The following SIL1 variants were observed in gnomAD, a reference collection of about 807,000 sequenced individuals.
The protein encoded by SIL1 is SIL1 nucleotide exchange factor, also known as nucleotide exchange factor SIL1.
Under a neutral mutation model 49.1 loss-of-function variants are expected in SIL1, and 40 were observed. That is an observed-to-expected ratio of 0.81 (90% CI 0.63 to 1.06). The LOEUF is 1.06. Among genes scored for constraint, SIL1 ranks in the 50% least tolerant of loss-of-function variants. SIL1 has a pLI of 0.00. For missense variants in SIL1, 500 were observed against 572.6 expected, an observed-to-expected ratio of 0.87 and a Z score of 1.29; for synonymous variants, 253 against 250.8, an observed-to-expected ratio of 1.01 and a Z score of -0.08.
intron 7 of SIL1, among the ~76,000 whole-genome samples, chr5:138,954,180 G>A (rs1281155874): frequency 6.6e-6 from 1 of 152,228 alleles, no homozygotes; most frequent in Non-Finnish European, 1.5e-5. Context: ...ACCCCATTTA[G>A]AGTAGGAGAG....
chr5:139,012,062 G>T (rs1460506771), intron 7 of SIL1, among the ~76,000 whole-genome samples: 1 of 151,576 alleles, frequency 6.6e-6, no homozygotes, highest in Non-Finnish European at 1.5e-5. Flanking sequence ...GGTTTTTGTT[G>T]TTGTTTTCTG....
At chr5:139,051,449 C>T (rs1337755794) in intron 3 of SIL1, among the ~76,000 whole-genome samples, 2 of 152,224 alleles carry the variant, frequency 1.3e-5, no homozygotes, top group Non-Finnish European at 2.9e-5. Context: ...TGACACCCTT[C>T]CTGCCCCTCC....
chr5:139,064,648 T>C (rs10063549), intron 3 of SIL1, among the ~76,000 whole-genome samples: 24,390 of 152,204 alleles, frequency 0.16, 5,327 homozygotes, highest in African/African-American at 0.5. Context: ...CTAAGTAGTG[T>C]TGTGCTTTGC....
chr5:139,042,671 T>C lies in SIL1; in HGVS notation c.402A>G (p.Ala134=). 1 of 1,614,152 alleles carries C rather than the reference T, an allele frequency of 6.2e-7. No individual in the cohort carries two copies. Among genetic ancestry groups the C allele is most frequent in the Non-Finnish European group, 8.5e-7 (1 of 1,180,034 alleles). ...CTGCCCCCTCCTTGAATTTTGCCAG[T>C]GCACTCTTGAGATCCTGAGATGTGT... ...NTYTSQDLKS[A]LAKFKEGAEM... The change falls in exon 5 of 10, where the codon GCA becomes GCG. Residue 134 remains alanine (A), a synonymous_variant. Coordinates refer to ENST00000394817, the MANE Select transcript of SIL1 (RefSeq NM_022464.5).
chr5:139,070,366 G>A (rs1237117923), intron 3 of SIL1, among the ~76,000 whole-genome samples: 3 of 151,920 alleles, frequency 2.0e-5, no homozygotes, highest in African/African-American at 7.3e-5. Flanking sequence ...CCTGCCAGCC[G>A]GAATATGAAT....
intron 7 of SIL1, among the ~76,000 whole-genome samples, chr5:138,977,840 T>G (rs1036969614): frequency 2.0e-5 from 3 of 152,182 alleles, no homozygotes; most frequent in Non-Finnish European, 2.9e-5. Context: ...TTCTGGCTGC[T>G]TCCTCAACTG....
chr5:139,100,593 G>A (rs920429336), intron 3 of SIL1, among the ~76,000 whole-genome samples: 1 of 152,144 alleles, frequency 6.6e-6, no homozygotes, highest in African/African-American at 2.4e-5. Flanking sequence ...AATGAGGGAG[G>A]CTAATTAGAT....
intron 3 of SIL1, among the ~76,000 whole-genome samples, chr5:139,053,981 T>G (rs1317988454): frequency 6.6e-6 from 1 of 152,206 alleles, no homozygotes; most frequent in Admixed American, 6.5e-5. Context: ...TATAGTGAAC[T>G]CTCAATAATT....
intron 1 of SIL1, among the ~76,000 whole-genome samples, chr5:139,185,040 C>T (rs1428160488): frequency 1.3e-5 from 2 of 152,158 alleles, no homozygotes; most frequent in African/African-American, 4.8e-5. Context: ...CTTATAACAC[C>T]GACGAGAAAA....
At chr5:139,176,395 C>T (rs1448475065) in intron 1 of SIL1, among the ~76,000 whole-genome samples, 1 of 152,178 alleles carries the variant, frequency 6.6e-6, no homozygotes, top group Admixed American at 6.5e-5. Context: ...CAAAACTCCT[C>T]TAGCCTTCTA....
At chr5:139,059,179 CAT>C (rs1264921600) in intron 3 of SIL1, among the ~76,000 whole-genome samples, 1 of 152,156 alleles carries the variant, frequency 6.6e-6, no homozygotes, top group Non-Finnish European at 1.5e-5. Context: ...TTAATTCCCA[CAT>C]GTCATGGGAG....
intron 9 of SIL1, among the ~76,000 whole-genome samples, chr5:138,949,008 T>C (rs1766699979): frequency 6.6e-6 from 1 of 152,228 alleles, no homozygotes; most frequent in South Asian, 2.1e-4. Context: ...GCCTTTTCTT[T>C]ATATTATCCA....
intron 3 of SIL1, among the ~76,000 whole-genome samples, chr5:139,076,237 A>G (rs1453514931): frequency 6.6e-6 from 1 of 152,230 alleles, no homozygotes; most frequent in Non-Finnish European, 1.5e-5. Flanking sequence ...GCTGACATTT[A>G]TAAACTGATC....
intron 1 of SIL1, among the ~76,000 whole-genome samples, chr5:139,178,894 A>C (rs975861370): frequency 1.3e-5 from 2 of 152,180 alleles, no homozygotes; most frequent in East Asian, 1.9e-4. Flanking sequence ...TGAAAAAATA[A>C]AATTTCAGAG....
chr5:139,055,952 CAG>C (rs1028896849), intron 3 of SIL1, among the ~76,000 whole-genome samples: 1 of 152,094 alleles, frequency 6.6e-6, no homozygotes, highest in Non-Finnish European at 1.5e-5. Context: ...GGATTGCAGA[CAG>C]AGTCTCCTTC....
chr5:139,018,470 G>A (rs532342339), intron 7 of SIL1, among the ~76,000 whole-genome samples: 1 of 151,496 alleles, frequency 6.6e-6, no homozygotes, highest in Non-Finnish European at 1.5e-5. Context: ...CGTACCTGTA[G>A]TCCCAGCTAC....
chr5:139,035,642 CTTTTTTT>C (rs759319838), intron 5 of SIL1: 16 of 159,580 alleles, frequency 1.0e-4, no homozygotes, highest in Admixed American at 2.5e-4. Context: ...AGGTATACAA[CTTTTTTT>C]TTTTTTTTTT....
intron 7 of SIL1, among the ~76,000 whole-genome samples, chr5:138,989,320 G>T (rs963189704): frequency 6.6e-6 from 1 of 152,164 alleles, no homozygotes; most frequent in African/African-American, 2.4e-5. Flanking sequence ...AGGCCAAGGC[G>T]GGCAGATCAC....
In SIL1 at chr5:139,122,836, T is replaced by G. The variant is rs75927297; in HGVS notation, c.106-1663A>C. On this transcript the variant is annotated intron_variant, in intron 2 of 9. Transcript: ENST00000394817. ...ATCTTGGCAAGAAGAAGCTCTCAAATCTAACCACACCTGGGAGATGTAATA... is the reference window on the plus strand; with the variant it reads ...ATCTTGGCAAGAAGAAGCTCTCAAAGCTAACCACACCTGGGAGATGTAATA... Among the ~76,000 whole-genome samples, 873 of 152,210 alleles carry G rather than the reference T, an allele frequency of 5.7e-3. 4 individuals are homozygous for G. Among genetic ancestry groups the G allele is most frequent in the African/African-American group, 0.02 (836 of 41,512 alleles).
Sources: allele counts gnomAD v4.1 joint callset (sites outside exome capture counted in the v4.1 genomes callset), GRCh38; gene constraint gnomAD v4.1.1; transcripts MANE v1.5; gene names NCBI Gene and HGNC (gene_info 2026-07-23, HGNC 2026-07-21).